Variants in RBM19 observed in about 807,000 individuals in gnomAD.
The protein encoded by RBM19 is probable RNA-binding protein 19.
In RBM19, 94 loss-of-function variants were observed where a neutral mutation model predicts 116.8. That is an observed-to-expected ratio of 0.80 (90% CI 0.68 to 0.95). The LOEUF (loss-of-function observed/expected upper bound fraction) is 0.95, where lower values mean the gene tolerates loss of function less well. Among genes scored for constraint, RBM19 ranks in the 40% least tolerant of loss-of-function variants. RBM19 has a pLI of 0.00. For missense variants in RBM19, 1,161 were observed against 1,220.7 expected (o/e 0.95, Z 0.73); for synonymous variants, 475 against 494.1 (o/e 0.96, Z 0.51).
intron 18 of RBM19, among the ~76,000 whole-genome samples, chr12:113,920,966 T>C (rs912634358): frequency 2.0e-5 from 3 of 152,182 alleles, no homozygotes; most frequent in Non-Finnish European, 4.4e-5. Context: ...GGATTCTGCT[T>C]TGGGAGGGAG....
intron 23 of RBM19, among the ~76,000 whole-genome samples, chr12:113,842,440 T>C (rs116124163): frequency 0.014 from 2,178 of 152,360 alleles, 53 homozygotes; most frequent in African/African-American, 0.051. Flanking sequence ...TGGGGTCTTA[T>C]TGAGTTGTGA....
chr12:113,845,065 C>T lies in RBM19; in HGVS notation c.2665-277G>A, dbSNP rs528464897. On this transcript the variant is annotated intron_variant, in intron 22 of 23. Transcript: ENST00000261741. ...TGGGCTGAGGCAGCCGTCTATTTGC[C>T]GTGTGTCATCCGATCTGTGGAGGGC... is the stretch of plus-strand genomic sequence containing the variant. 1.7e-4 allele frequency among the ~76,000 whole-genome samples: 26 copies of T among 152,308 alleles called. 1 individual carries two copies. Among genetic ancestry groups the T allele is most frequent in the Admixed American group, 5.2e-4 (8 of 15,302 alleles).
chr12:113,960,723 G>A (rs1288464805), intron 2 of RBM19, among the ~76,000 whole-genome samples: 1 of 152,156 alleles, frequency 6.6e-6, no homozygotes, highest in East Asian at 1.9e-4. Context: ...TGGGGCAGTG[G>A]CTACCACAGT....
chr12:113,876,878 G>A (rs1198108274), intron 21 of RBM19, among the ~76,000 whole-genome samples: 1 of 152,222 alleles, frequency 6.6e-6, no homozygotes, highest in Non-Finnish European at 1.5e-5. Flanking sequence ...GATGAACTTT[G>A]GGATTACATG....
chr12:113,903,229 C>G lies in RBM19; in HGVS notation c.2558+11740G>C, dbSNP rs1881817385. 6.6e-6 allele frequency among the ~76,000 whole-genome samples: 1 copy of G among 152,194 alleles called. No homozygotes were observed. The highest frequency in any genetic ancestry group is 2.1e-4 in the South Asian group (1 of 4,836). On this transcript the variant is annotated intron_variant, in intron 21 of 23. Coordinates refer to ENST00000261741, the MANE Select transcript of RBM19 (RefSeq NM_016196.4). This position sits in a 1 kb window ranked among gnomAD's most constrained non-coding sequence, Gnocchi z 5.1. The stretch of plus-strand genomic sequence containing the variant: ...ATTTTCGATCTGTGGTTGGTGGAAT[C>G]TGTGGGTGCAGAATCTGTGGATGTG...
chr12:113,961,037 T>C (rs995739846), intron 2 of RBM19, among the ~76,000 whole-genome samples: 3 of 152,186 alleles, frequency 2.0e-5, no homozygotes, highest in Non-Finnish European at 2.9e-5. Flanking sequence ...GCAATCCTTT[T>C]TAAGACACAG....
At chr12:113,946,236 C>G (rs1414051614) in intron 12 of RBM19, 118 bp downstream of exon 12, 7 of 1,372,700 alleles carry the variant, frequency 5.1e-6, no homozygotes, top group Non-Finnish European at 7.0e-6. Flanking sequence ...AACTGAAGCT[C>G]GGTAAGGTAT....
chr12:113,964,881 T>C (rs1872744752), intron 1 of RBM19, among the ~76,000 whole-genome samples: 1 of 151,822 alleles, frequency 6.6e-6, no homozygotes, highest in African/African-American at 2.4e-5. Flanking sequence ...TACACTACTA[T>C]ACTGTTTGAA....
rs1364381876 is a variant in RBM19 at position 113,873,487 on chromosome 12, T to A, written c.2559-14591A>T. On this transcript the variant is annotated intron_variant, in intron 21 of 23. Transcript: ENST00000261741. ...AAACAGATGCTTGAAGGCAGCATGC[T>A]CGTTAAGAGTCATCACCAATCCCTA... Among the ~76,000 whole-genome samples the A allele has an allele frequency of 8.8e-5, 8 of 90,784 alleles. No homozygotes were observed. In the East Asian group the frequency reaches 1.8e-3, roughly 20 times the overall value. The allele number at this position is 90,784 out of a possible 152,430, so 59.6% of individuals were successfully genotyped here.
intron 21 of RBM19, among the ~76,000 whole-genome samples, chr12:113,867,751 T>A (rs1878931576): frequency 6.6e-6 from 1 of 152,038 alleles, no homozygotes; most frequent in Non-Finnish European, 1.5e-5. Context: ...TGAAGCCCCA[T>A]TTCTACTAAA....
chr12:113,920,482 T>C (rs878957933), intron 19 of RBM19, 129 bp downstream of exon 19: 1 of 845,222 alleles, frequency 1.2e-6, no homozygotes, highest in Non-Finnish European at 2.0e-6. Flanking sequence ...CGTAGAGATC[T>C]GGGAAAAGCA....
chr12:113,893,122 C>T (rs1190471400), intron 21 of RBM19, among the ~76,000 whole-genome samples: 1 of 151,696 alleles, frequency 6.6e-6, no homozygotes, highest in Non-Finnish European at 1.5e-5. Flanking sequence ...GCCTCCAACT[C>T]CTGGGCTCAA....
At chr12:113,846,964 C>T (rs1344604210) in intron 22 of RBM19, among the ~76,000 whole-genome samples, 1 of 152,192 alleles carries the variant, frequency 6.6e-6, no homozygotes, top group Non-Finnish European at 1.5e-5. Context: ...CCTCCTGCCT[C>T]AGCTTCCCAA....
In RBM19 at chr12:113,825,673, C is replaced by T. The variant is rs1874797925; in HGVS notation, c.2786-2352G>A. The stretch of plus-strand genomic sequence containing the variant: ...GCGGCATGGGACTTTTTCTTCTCTC[C>T]CACATCCTGACAACTTGGAGGGACT... On this transcript the variant is annotated intron_variant, in intron 23 of 23. Coordinates refer to ENST00000261741, the MANE Select transcript of RBM19 (RefSeq NM_016196.4). This position sits in a 1 kb window ranked among gnomAD's most constrained non-coding sequence, Gnocchi z 5.7. 6.6e-6 allele frequency among the ~76,000 whole-genome samples: 1 copy of T among 152,112 alleles called. No homozygotes were observed.
chr12:113,954,003 T>C (rs796124015), intron 7 of RBM19, among the ~76,000 whole-genome samples: 11 of 152,306 alleles, frequency 7.2e-5, no homozygotes, highest in African/African-American at 2.6e-4. Context: ...CAGCAAAAAA[T>C]TGGATATAAC....
intron 6 of RBM19, among the ~76,000 whole-genome samples, chr12:113,955,658 A>C (rs1355818465): frequency 6.6e-6 from 1 of 152,224 alleles, no homozygotes; most frequent in Non-Finnish European, 1.5e-5. Flanking sequence ...ACAACTCCGG[A>C]ATCCAGACAC....
chr12:113,956,576 C>CAAA (rs10592306), intron 6 of RBM19, among the ~76,000 whole-genome samples: 67 of 66,112 alleles, frequency 1.0e-3, no homozygotes, highest in African/African-American at 1.4e-3. Flanking sequence ...AAGACTGTCT[C>CAAA]AAAAAAAAAA....
intron 23 of RBM19, among the ~76,000 whole-genome samples, chr12:113,835,491 G>C (rs1180703540): frequency 6.6e-6 from 1 of 152,150 alleles, no homozygotes; most frequent in African/African-American, 2.4e-5. Context: ...GGAGAGGTGT[G>C]GGGGAAAAGC....
rs1881512960 is a variant in RBM19 at position 113,898,982 on chromosome 12, T to C, written c.2558+15987A>G. Among the ~76,000 whole-genome samples, 1 of 152,268 alleles carries C rather than the reference T, an allele frequency of 6.6e-6. No individual in the cohort carries two copies. The highest frequency in any genetic ancestry group is 2.1e-4 in the South Asian group (1 of 4,830). On this transcript the variant is annotated intron_variant, in intron 21 of 23. Transcript: ENST00000261741. The surrounding 1 kb of genome is among the most constrained non-coding windows in gnomAD (Gnocchi z 4.3). ...AGTTGTCAGTTTATTCTGAGTTTTA[T>C]ATTTGTACATAGTTAAATAACATAA... is the stretch of plus-strand genomic sequence containing the variant.
Sources: allele counts gnomAD v4.1 joint callset (sites outside exome capture counted in the v4.1 genomes callset), GRCh38; gene constraint gnomAD v4.1.1; non-coding constraint Gnocchi (gnomAD v3.1); transcripts MANE v1.5; gene names NCBI Gene and HGNC (gene_info 2026-07-23, HGNC 2026-07-21).